Variants in RECQL5 observed in about 807,000 individuals in gnomAD.
RECQL5 encodes the protein RecQ like helicase 5, also known as ATP-dependent DNA helicase Q5.
In RECQL5, 88 loss-of-function variants were observed where a neutral mutation model predicts 103.4. The ratio of observed to expected loss-of-function variants is 0.85; its 90% CI spans 0.72 to 1.02. The LOEUF is 1.02. RECQL5 is among the 50% of genes least tolerant of loss of function. The pLI is 0.00. For missense variants in RECQL5, 1,232 were observed against 1,284.3 expected (o/e 0.96, Z 0.62); for synonymous variants, 552 against 507.9 (o/e 1.09, Z -1.17).
intron 6 of RECQL5, 89 bp from the exon 7 acceptor site, chr17:75,658,549 G>T: frequency 7.9e-7 from 1 of 1,267,976 alleles, no homozygotes; most frequent in Non-Finnish European, 1.1e-6. Flanking sequence ...GAGCAGGGAG[G>T]CCAGCAGATA....
chr17:75,650,045 C>T, intron 8 of RECQL5: 4 of 985,612 alleles, frequency 4.1e-6, no homozygotes, highest in Non-Finnish European at 4.8e-6. Flanking sequence ...GAGCTTTTTT[C>T]AGCAAACAGG....
At chr17:75,647,316 G>C in intron 8 of RECQL5, 4 of 1,456,166 alleles carry the variant, frequency 2.7e-6, no homozygotes, top group Non-Finnish European at 3.7e-6. Flanking sequence ...CATAGCACCT[G>C]GGACAGGGCC....
chr17:75,662,899 C>T lies in RECQL5; in HGVS notation c.351G>A (p.Glu117=), dbSNP rs2059718166. 1.2e-6 allele frequency: 2 copies of T among 1,614,148 alleles called. No individual in the cohort carries two copies. The highest frequency in any genetic ancestry group is 1.7e-6 in the Non-Finnish European group (2 of 1,180,028). Residue 117 remains glutamate, a synonymous_variant, in exon 4 of 20, where the codon GAG becomes GAA. Coordinates refer to ENST00000317905, the MANE Select transcript of RECQL5 (RefSeq NM_004259.7). The stretch of plus-strand genomic sequence containing the variant: ...GAATCTTGGTCTGGGGCTTTTCTCG[C>T]TCCAGGTCAGCAAGCAGCTCCTTCC... ...QERKELLADL[E]REKPQTKILY...
Position 75,627,365 on chromosome 17 carries a change from G to C in RECQL5, c.*57C>G. ...CCCTGGCATCAGCAGGTGAGGCCCA[G>C]GATGACCCATGCTAGAATCTGGGGG... On this transcript the variant is annotated 3_prime_UTR_variant, in exon 20 of 20. Transcript: ENST00000317905. 1 of 1,320,902 alleles carries C rather than the reference G, an allele frequency of 7.6e-7. No individual in the cohort carries two copies. Among genetic ancestry groups the C allele is most frequent in the Admixed American group, 1.7e-5 (1 of 59,336 alleles). 81.8% of individuals were successfully genotyped at this position (1,320,902 alleles called of 1,614,324 possible).
chr17:75,664,566 A>G (rs2059742050), intron 3 of RECQL5, among the ~76,000 whole-genome samples: 1 of 152,214 alleles, frequency 6.6e-6, no homozygotes, highest in Non-Finnish European at 1.5e-5. Context: ...AGAACACTAC[A>G]TTGGGGAAAT....
Position 75,651,252 on chromosome 17 carries a change from T to C in RECQL5, c.1163A>G (p.Asn388Ser). Residue 388 changes from asparagine (N) to serine (S), a missense_variant, in exon 8 of 20, where the codon AAC (asparagine) becomes AGC (serine). Transcript: ENST00000317905. ...EVAKLQEKRG[N>S]KASDKATIMA... ...GATAGTGGCTTTATCAGATGCTTTG[T>C]TTCCTCTCTTTTCCTGGGGACAAAA... 1 of 1,614,196 alleles carries C rather than the reference T, an allele frequency of 6.2e-7. No homozygotes were observed. The highest frequency in any genetic ancestry group is 8.5e-7 in the Non-Finnish European group (1 of 1,180,030).
chr17:75,628,892 CGTGTAG>C, intron 16 of RECQL5, 36 bp downstream of exon 16: 1 of 1,582,184 alleles, frequency 6.3e-7, no homozygotes, highest in East Asian at 2.2e-5. Flanking sequence ...GGGATGCTGC[CGTGTAG>C]GTTCCAGAAG....
chr17:75,630,983 C>G lies in RECQL5; in HGVS notation c.1576G>C (p.Val526Leu). Residue 526 changes from valine (V) to leucine (L), a missense_variant, in exon 11 of 20, where the codon GTA becomes CTA. By Grantham distance (32) the Val-to-Leu change is conservative. Transcript: ENST00000317905. ...ACATTTCTGTACTGACCTGGGGGTACAAATTCTTCTATCTTGGGGTCTTTG... is the reference window on the plus strand; with the variant it reads ...ACATTTCTGTACTGACCTGGGGGTAGAAATTCTTCTATCTTGGGGTCTTTG... Reference protein sequence around the residue: ...KGKDPKIEEFVPPDENCPLKE... With the variant: ...KGKDPKIEEFLPPDENCPLKE... 1 of 1,613,872 alleles carries G rather than the reference C, an allele frequency of 6.2e-7. No individual in the cohort carries two copies. Among genetic ancestry groups the G allele is most frequent in the Non-Finnish European group, 8.5e-7 (1 of 1,179,922 alleles).
chr17:75,663,129 T>A, intron 3 of RECQL5, 132 bp from the exon 4 acceptor site: 2 of 869,382 alleles, frequency 2.3e-6, no homozygotes, highest in Non-Finnish European at 3.5e-6. Flanking sequence ...TGCATAGAAG[T>A]AGTAGAGGTT....
chr17:75,642,289 C>T (rs563471294), intron 8 of RECQL5, among the ~76,000 whole-genome samples: 1 of 152,350 alleles, frequency 6.6e-6, no homozygotes, highest in East Asian at 1.9e-4. Context: ...CTCAAGAAGT[C>T]TGTGTTTTTC....
chr17:75,651,037 C>T (rs1599036727), intron 8 of RECQL5, 149 bp downstream of exon 8: 5 of 1,553,828 alleles, frequency 3.2e-6, no homozygotes, highest in Non-Finnish European at 4.3e-6. Flanking sequence ...AAGGTCCTGA[C>T]TTCCACACTG....
intron 8 of RECQL5, chr17:75,641,273 C>G: frequency 5.2e-6 from 1 of 191,700 alleles, no homozygotes; most frequent in South Asian, 1.4e-4. Flanking sequence ...TGATACATGC[C>G]AAAGAGGAGC....
rs770206332 is a variant in RECQL5, at chr17:75,628,381, G to A, written c.2642C>T (p.Ala881Val). The A allele has an allele frequency of 5.0e-6, 8 of 1,613,928 alleles. No homozygotes were observed. Among genetic ancestry groups the A allele is most frequent in the African/African-American group, 1.3e-5 (1 of 74,926 alleles). ...GGCCGAGACGCTGCCCTTGACCTCAGCTACGACGGAGGGCTTGGCTGAGGG... is the reference window on the plus strand; with the variant it reads ...GGCCGAGACGCTGCCCTTGACCTCAACTACGACGGAGGGCTTGGCTGAGGG... ...PRPSAKPSVVAEVKGSVSASE... is the reference protein window; with the variant it reads ...PRPSAKPSVVVEVKGSVSASE... Residue 881 changes from alanine (A) to valine (V), a missense_variant, in exon 18 of 20, where the codon GCT becomes GTT. Coordinates refer to ENST00000317905, the MANE Select transcript of RECQL5 (RefSeq NM_004259.7).
chr17:75,650,670 A>C, intron 8 of RECQL5: 4 of 1,614,070 alleles, frequency 2.5e-6, no homozygotes, highest in Non-Finnish European at 3.4e-6. Context: ...ACACAACCTG[A>C]CTACACCAAG....
rs55982817 is a variant in RECQL5, at chr17:75,630,841, T to TG, written c.1586-5dup. ...TCTTTCAGGGGACAGTTCTCATCTGTGGGGGGGGGGGGTGGTCCTTGGTCC... is the reference window on the plus strand; with the variant it reads ...TCTTTCAGGGGACAGTTCTCATCTGTGGGGGGGGGGGGGTGGTCCTTGGTCC... On this transcript the variant is annotated splice_region_variant and splice_polypyrimidine_tract_variant and intron_variant, in intron 11 of 19. Coordinates refer to ENST00000317905, the MANE Select transcript of RECQL5 (RefSeq NM_004259.7). The TG allele has an allele frequency of 0.12, 123,014 of 1,041,376 alleles. 2,488 individuals are homozygous for TG. Among genetic ancestry groups the TG allele is most frequent in the African/African-American group, 0.16 (5,423 of 34,212 alleles). The allele number at this position is 1,041,376 out of a possible 1,614,324, so 64.5% of individuals were successfully genotyped here.
intron 7 of RECQL5, chr17:75,652,447 CG>C (rs1428335631): frequency 2.6e-5 from 4 of 152,346 alleles, no homozygotes; most frequent in African/African-American, 9.7e-5. Flanking sequence ...AGGCTGTGTG[CG>C]GCCCTGCCAG....
At chr17:75,643,412 T>C (rs2059455532) in intron 8 of RECQL5, among the ~76,000 whole-genome samples, 1 of 152,256 alleles carries the variant, frequency 6.6e-6, no homozygotes, top group East Asian at 1.9e-4. Flanking sequence ...GAACAACTGC[T>C]GAGTCCGCAC....
intron 8 of RECQL5, among the ~76,000 whole-genome samples, chr17:75,648,617 C>T (rs369024477): frequency 6.6e-6 from 1 of 151,222 alleles, no homozygotes; most frequent in East Asian, 1.9e-4. Context: ...TTGTGATCCA[C>T]CCGCCTCAGC....
rs1331991170 is a variant in RECQL5, at chr17:75,640,927, AGAG to A, written c.1230-9262_1230-9260del. 4 of 1,537,848 alleles carry A rather than the reference AGAG, an allele frequency of 2.6e-6. No homozygotes were observed. The African/African-American group carries it at 5.5e-5, about 21-fold the overall frequency. Reference sequence around the variant, plus strand: ...CGGGCGATGGCTGAGGAGAAGCTGGAGAGGAGATGGCCAATGCCATGACACAGG... The same window carrying A: ...CGGGCGATGGCTGAGGAGAAGCTGGAGAGATGGCCAATGCCATGACACAGG... On this transcript the variant is annotated intron_variant, in intron 8 of 19. Transcript: ENST00000317905. This position sits in a 1 kb window ranked among gnomAD's most constrained non-coding sequence, Gnocchi z 4.6.
Sources: allele counts gnomAD v4.1 joint callset (sites outside exome capture counted in the v4.1 genomes callset), GRCh38; gene constraint gnomAD v4.1.1; non-coding constraint Gnocchi (gnomAD v3.1); transcripts MANE v1.5; gene names NCBI Gene and HGNC (gene_info 2026-07-23, HGNC 2026-07-21).